MAML2: variants seen among roughly 807,000 people sequenced by gnomAD.
MAML2 encodes the protein mastermind like transcriptional coactivator 2.
A neutral mutation model predicts 96.1 loss-of-function variants in MAML2; 22 were observed. That is an observed-to-expected ratio of 0.23 (90% confidence interval 0.16 to 0.33). The LOEUF (loss-of-function observed/expected upper bound fraction) is 0.33. MAML2 is among the 10% of genes least tolerant of loss of function. The pLI is 1.00. For synonymous variants in MAML2, 561 were observed against 521.3 expected (o/e 1.08, Z -1.04); for missense variants, 1,367 against 1,392.4 (o/e 0.98, Z 0.29).
intron 1 of MAML2, among the ~76,000 whole-genome samples, chr11:96,159,846 A>T (rs893670983): frequency 1.3e-5 from 2 of 152,184 alleles, no homozygotes; most frequent in African/African-American, 2.4e-5. Context: ...TTAAGTTCCT[A>T]GGTGAGGTGA....
At chr11:96,068,971 G>C (rs189079905) in intron 2 of MAML2, among the ~76,000 whole-genome samples, 10 of 141,722 alleles carry the variant, frequency 7.1e-5, no homozygotes, top group Admixed American at 5.8e-4. Flanking sequence ...ATCTAGGCTG[G>C]AGTGTGGTGG....
chr11:96,248,304 G>A (rs1161875727), intron 1 of MAML2, among the ~76,000 whole-genome samples: 6 of 151,548 alleles, frequency 4.0e-5, no homozygotes, highest in Admixed American at 1.3e-4. Flanking sequence ...TAGAGGCGGG[G>A]TTTCATCATT....
chr11:96,111,830 C>T (rs1308707824), intron 1 of MAML2, among the ~76,000 whole-genome samples: 1 of 152,140 alleles, frequency 6.6e-6, no homozygotes, highest in Admixed American at 6.5e-5. Context: ...ATTGTTCACA[C>T]AAATCTTTTC....
At chr11:96,033,117 C>T (rs2135747881) in intron 2 of MAML2, among the ~76,000 whole-genome samples, 1 of 152,278 alleles carries the variant, frequency 6.6e-6, no homozygotes, top group South Asian at 2.1e-4. Context: ...CTAATACATG[C>T]TATTTAAGCA....
chr11:96,022,284 G>T (rs893259627), intron 2 of MAML2, among the ~76,000 whole-genome samples: 3 of 152,192 alleles, frequency 2.0e-5, no homozygotes, highest in Non-Finnish European at 4.4e-5. Context: ...AATCTTTCCT[G>T]AGACCCCAGT....
intron 1 of MAML2, among the ~76,000 whole-genome samples, chr11:96,327,607 G>A (rs901286937): frequency 5.8e-4 from 87 of 151,098 alleles, no homozygotes; most frequent in Non-Finnish European, 1.1e-3. Context: ...TAGTAGAGAC[G>A]GGGTTTCACC....
chr11:96,070,644 G>A (rs76219276), intron 2 of MAML2, among the ~76,000 whole-genome samples: 2 of 152,380 alleles, frequency 1.3e-5, no homozygotes, highest in African/African-American at 4.8e-5. Flanking sequence ...CCCCGTGCTC[G>A]TTCACACACC....
chr11:96,198,820 C>A (rs1418883366), intron 1 of MAML2, among the ~76,000 whole-genome samples: 3 of 152,098 alleles, frequency 2.0e-5, no homozygotes, highest in Non-Finnish European at 2.9e-5. Context: ...CATTTTCCAG[C>A]CACTCTAGCA....
At chr11:96,171,007 T>C (rs953510635) in intron 1 of MAML2, among the ~76,000 whole-genome samples, 1 of 151,630 alleles carries the variant, frequency 6.6e-6, no homozygotes, top group African/African-American at 2.4e-5. Context: ...TGAGCCAACG[T>C]GCCTGGCCTC....
intron 2 of MAML2, among the ~76,000 whole-genome samples, chr11:96,033,464 G>A (rs754099514): frequency 2.6e-5 from 4 of 152,242 alleles, no homozygotes; most frequent in Non-Finnish European, 5.9e-5. Flanking sequence ...ATGAATCTAT[G>A]CTTAGGTAAT....
At chr11:96,134,573 G>T (rs1466013857) in intron 1 of MAML2, among the ~76,000 whole-genome samples, 1 of 152,194 alleles carries the variant, frequency 6.6e-6, no homozygotes, top group Non-Finnish European at 1.5e-5. Context: ...AAGAGTCAAA[G>T]AAGTTTTGCT....
At chr11:96,255,653 C>T (rs1862654015) in intron 1 of MAML2, among the ~76,000 whole-genome samples, 2 of 152,112 alleles carry the variant, frequency 1.3e-5, no homozygotes, top group East Asian at 1.9e-4. Context: ...CACTGCACAT[C>T]GTCCCCCTTC....
chr11:96,121,039 T>C (rs768354324), intron 1 of MAML2, among the ~76,000 whole-genome samples: 20 of 151,782 alleles, frequency 1.3e-4, no homozygotes, highest in African/African-American at 4.8e-4. Flanking sequence ...GGTAGCCAGA[T>C]TCATAACTAA....
At chr11:96,128,160 G>A (rs1446416475) in intron 1 of MAML2, among the ~76,000 whole-genome samples, 5 of 152,086 alleles carry the variant, frequency 3.3e-5, no homozygotes, top group South Asian at 2.1e-4. Context: ...TTGGGAGGCC[G>A]AGGCGGGTGG....
chr11:96,039,910 A>G (rs962705052), intron 2 of MAML2, among the ~76,000 whole-genome samples: 4 of 149,354 alleles, frequency 2.7e-5, no homozygotes, highest in Non-Finnish European at 4.4e-5. Context: ...GTGAGCAGAG[A>G]TCGTGCCACT....
rs1857678801 is a variant in MAML2 at position 95,978,287 on chromosome 11, T to G, written c.*661A>C. On this transcript the variant is annotated 3_prime_UTR_variant, in exon 5 of 5. Coordinates refer to ENST00000524717, the MANE Select transcript of MAML2 (RefSeq NM_032427.4). ...AAAATCAAATTGCACAGCTCTATATTTTTGTTTAATCACTAGACACAGCAT... is the reference window on the plus strand; with the variant it reads ...AAAATCAAATTGCACAGCTCTATATGTTTGTTTAATCACTAGACACAGCAT... The G allele has an allele frequency of 5.0e-6, 1 of 201,872 alleles. No homozygotes were observed. Among genetic ancestry groups the G allele is most frequent in the Non-Finnish European group, 1.0e-5 (1 of 98,088 alleles). 12.5% of individuals were successfully genotyped at this position (201,872 alleles called of 1,614,324 possible).
At chr11:96,318,320 G>C (rs1205783981) in intron 1 of MAML2, among the ~76,000 whole-genome samples, 1 of 152,202 alleles carries the variant, frequency 6.6e-6, no homozygotes, top group Non-Finnish European at 1.5e-5. Context: ...ACAGGAAGAA[G>C]TAAGCAAGAG....
intron 1 of MAML2, among the ~76,000 whole-genome samples, chr11:96,163,668 A>G (rs1023946596): frequency 6.6e-6 from 1 of 152,142 alleles, no homozygotes; most frequent in African/African-American, 2.4e-5. Flanking sequence ...ATTTTCAGCA[A>G]TGATCATTTT....
intron 1 of MAML2, among the ~76,000 whole-genome samples, chr11:96,278,944 G>A (rs1368452166): frequency 1.3e-5 from 2 of 152,156 alleles, no homozygotes; most frequent in Non-Finnish European, 2.9e-5. Flanking sequence ...TGTGGCAGTG[G>A]CAGTGGGTAT....
Sources: gnomAD v4.1 joint callset for allele counts (sites outside exome capture counted in the v4.1 genomes callset) on GRCh38, gnomAD v4.1.1 for gene constraint, MANE v1.5 for transcripts, NCBI Gene and HGNC (gene_info 2026-07-23, HGNC 2026-07-21) for gene names.